Variants in NRXN3 observed in about 807,000 individuals in gnomAD.
The protein encoded by NRXN3 is neurexin 3.
In NRXN3, 32 loss-of-function variants were observed where a neutral mutation model predicts 137.6. The observed-to-expected ratio is 0.23, with a 90% CI of 0.18 to 0.31. The LOEUF (loss-of-function observed/expected upper bound fraction) is 0.31. Ranked by LOEUF, NRXN3 falls within the 10% of genes least tolerant of loss-of-function variation. The pLI is 1.00. For synonymous variants in NRXN3, 798 were observed against 784.5 expected (o/e 1.02, Z -0.29); for missense variants, 1,574 against 2,062.5 (o/e 0.76, Z 4.59).
Position 78,803,605 on chromosome 14 carries a change from A to G in NRXN3, c.2045-15A>G. 6.2e-7 allele frequency: 1 copy of G among 1,613,268 alleles called. No individual in the cohort carries two copies. The highest frequency in any genetic ancestry group is 1.1e-5 in the South Asian group (1 of 91,080). ...ATCCGTCATCCTAACGATCTTCTCC[A>G]TTCTTCTTTGGCAGAGGCATCCATC... On this transcript the variant is annotated splice_polypyrimidine_tract_variant and intron_variant, in intron 8 of 20. Coordinates refer to ENST00000335750, the MANE Select transcript of NRXN3 (RefSeq NM_001330195.2).
At chr14:78,955,634 A>G (rs1455403243) in intron 10 of NRXN3, among the ~76,000 whole-genome samples, 1 of 152,144 alleles carries the variant, frequency 6.6e-6, no homozygotes, top group African/African-American at 2.4e-5. Flanking sequence ...CTTTGGGTGC[A>G]TTCTGAAAAT....
intron 8 of NRXN3, among the ~76,000 whole-genome samples, chr14:78,770,997 C>G (rs1298196996): frequency 6.6e-6 from 1 of 152,220 alleles, no homozygotes; most frequent in East Asian, 1.9e-4. Flanking sequence ...CCAGAGGGCT[C>G]TTTAGCAGAA....
intron 4 of NRXN3, among the ~76,000 whole-genome samples, chr14:78,413,259 C>T (rs2092937195): frequency 6.6e-6 from 1 of 152,142 alleles, no homozygotes. Flanking sequence ...ACAGAGTTTG[C>T]TCTGCATTGA....
At chr14:78,824,780 A>G (rs1357002636) in intron 10 of NRXN3, among the ~76,000 whole-genome samples, 1 of 152,180 alleles carries the variant, frequency 6.6e-6, no homozygotes. Flanking sequence ...ACAATATTTC[A>G]TTGTACATTT....
At chr14:79,291,027 G>A in intron 15 of NRXN3, among the ~76,000 whole-genome samples, 1 of 152,250 alleles carries the variant, frequency 6.6e-6, no homozygotes, top group African/African-American at 2.4e-5. Context: ...GAATAATTTG[G>A]GCAGAGAGAG....
intron 15 of NRXN3, among the ~76,000 whole-genome samples, chr14:79,365,744 A>AT (rs2093866159): frequency 7.1e-6 from 1 of 141,404 alleles, no homozygotes; most frequent in African/African-American, 2.7e-5. Context: ...AAAAAAAAAA[A>AT]GAAAAAAAAG....
At chr14:79,382,062 C>T (rs967396041) in intron 15 of NRXN3, among the ~76,000 whole-genome samples, 1 of 152,152 alleles carries the variant, frequency 6.6e-6, no homozygotes, top group Non-Finnish European at 1.5e-5. Flanking sequence ...AAACTGTGTG[C>T]CTTCTCTGTG....
chr14:79,821,111 T>G (rs1197028376), intron 20 of NRXN3, among the ~76,000 whole-genome samples: 1 of 151,774 alleles, frequency 6.6e-6, no homozygotes, highest in Non-Finnish European at 1.5e-5. Flanking sequence ...CCTATTGGAA[T>G]GCATGTTTTA....
chr14:79,098,389 C>G (rs996091877), intron 15 of NRXN3, among the ~76,000 whole-genome samples: 2 of 152,172 alleles, frequency 1.3e-5, no homozygotes, highest in African/African-American at 4.8e-5. Flanking sequence ...GCATTTTCTT[C>G]TCTAATTAGC....
chr14:79,472,727 T>C (rs867655067), intron 16 of NRXN3, among the ~76,000 whole-genome samples: 2 of 152,164 alleles, frequency 1.3e-5, no homozygotes, highest in Non-Finnish European at 2.9e-5. Context: ...CATCTGCCTA[T>C]TGACCCCACA....
intron 10 of NRXN3, among the ~76,000 whole-genome samples, chr14:78,814,371 C>T (rs2098924888): frequency 6.6e-6 from 1 of 152,154 alleles, no homozygotes; most frequent in Admixed American, 6.5e-5. Context: ...AATGCCAGCA[C>T]TTTGGGAGGC....
In NRXN3 at chr14:78,957,331, A is replaced by G. The variant is rs761270091; in HGVS notation, c.2365A>G (p.Lys789Glu). The change falls in exon 11 of 21, where the codon AAG (lysine) becomes GAG (glutamate). Residue 789 changes from lysine to glutamate, a missense_variant. By Grantham distance (56) the Lys-to-Glu change is moderately conservative. This residue lies in a region of NRXN3 where 718 missense variants were observed against 887.6 expected (regional missense o/e 0.81). Transcript: ENST00000335750. Reference protein sequence around the residue: ...VRVVRRGKSLKLTVDDDVAEG... With the variant: ...VRVVRRGKSLELTVDDDVAEG... ...GGTGGTGCGGAGAGGAAAAAGCCTT[A>G]AGTTAACCGTGGATGATGATGTGGC... The G allele has an allele frequency of 6.2e-7, 1 of 1,614,074 alleles. No individual in the cohort carries two copies. The highest frequency in any genetic ancestry group is 8.5e-7 in the Non-Finnish European group (1 of 1,179,986).
At chr14:79,029,762 C>G (rs531229061) in intron 15 of NRXN3, among the ~76,000 whole-genome samples, 12 of 129,338 alleles carry the variant, frequency 9.3e-5, no homozygotes, top group African/African-American at 3.3e-4. Context: ...AAAAATGCCC[C>G]TTGGAGAGGG....
chr14:78,265,800 C>A (rs2071599597), intron 2 of NRXN3, among the ~76,000 whole-genome samples: 1 of 152,182 alleles, frequency 6.6e-6, no homozygotes, highest in Admixed American at 6.5e-5. Context: ...TGTGTTTCCT[C>A]TTCTGTGCCT....
At chr14:78,495,401 A>G (rs2095760924) in intron 4 of NRXN3, among the ~76,000 whole-genome samples, 1 of 152,142 alleles carries the variant, frequency 6.6e-6, no homozygotes. Context: ...AGGCATAGAG[A>G]TCCCAATAGC....
chr14:79,544,075 T>C (rs1186496265), intron 16 of NRXN3, among the ~76,000 whole-genome samples: 1 of 152,070 alleles, frequency 6.6e-6, no homozygotes, highest in Non-Finnish European at 1.5e-5. Context: ...AAATACAAAA[T>C]TTAGGCAAAA....
intron 2 of NRXN3, among the ~76,000 whole-genome samples, chr14:78,269,496 G>A (rs1290505706): frequency 6.6e-6 from 1 of 152,196 alleles, no homozygotes; most frequent in Non-Finnish European, 1.5e-5. Flanking sequence ...TTGCAAGATG[G>A]AAAGTGTGGA....
At chr14:78,592,585 C>G (rs1344974235) in intron 4 of NRXN3, among the ~76,000 whole-genome samples, 2 of 152,182 alleles carry the variant, frequency 1.3e-5, no homozygotes, top group Non-Finnish European at 2.9e-5. Context: ...ATATAATTGT[C>G]TAAGGATGAC....
At chr14:78,931,729 G>T (rs1402415638) in intron 10 of NRXN3, among the ~76,000 whole-genome samples, 1 of 152,122 alleles carries the variant, frequency 6.6e-6, no homozygotes, top group African/African-American at 2.4e-5. Flanking sequence ...CAAAAGATCT[G>T]GGGTTGAGTT....
Sources: gnomAD v4.1 joint callset for allele counts (sites outside exome capture counted in the v4.1 genomes callset) on GRCh38, gnomAD v4.1.1 for gene constraint, gnomAD v4.1.1 regional missense constraint, MANE v1.5 for transcripts, NCBI Gene and HGNC (gene_info 2026-07-23, HGNC 2026-07-21) for gene names.